PHF20: variants seen among roughly 807,000 people sequenced by gnomAD.
The protein encoded by PHF20 is PHD finger protein 20.
A neutral mutation model predicts 113.5 loss-of-function variants in PHF20; 23 were observed. The ratio of observed to expected loss-of-function variants is 0.20; its 90% CI spans 0.15 to 0.29. PHF20 has a LOEUF of 0.29. Among genes scored for constraint, PHF20 ranks in the 10% least tolerant of loss-of-function variants. The probability of loss-of-function intolerance (pLI) is 1.00; values close to 1 mark genes in which losing one functional copy is unlikely to be tolerated. For missense variants in PHF20, 943 were observed against 1,219.6 expected, an observed-to-expected ratio of 0.77 and a Z score of 3.38; for synonymous variants, 434 against 457.3, an observed-to-expected ratio of 0.95 and a Z score of 0.65.
At chr20:35,822,846 TAAAAAAAAAAAAAA>T (rs780275666) in intron 2 of PHF20, among the ~76,000 whole-genome samples, 1 of 55,536 alleles carries the variant, frequency 1.8e-5, no homozygotes, top group Non-Finnish European at 3.4e-5. Context: ...ACCCTGCTTC[TAAAAAAAAAAAAAA>T]AAAAAAAAAA....
intron 13 of PHF20, among the ~76,000 whole-genome samples, chr20:35,923,825 C>T (rs1179385298): frequency 6.6e-6 from 1 of 152,216 alleles, no homozygotes; most frequent in Non-Finnish European, 1.5e-5. Context: ...AATCACAGCT[C>T]ATGGCAGCCT....
At chr20:35,930,644 A>C (rs1292590529) in intron 14 of PHF20, among the ~76,000 whole-genome samples, 1 of 152,198 alleles carries the variant, frequency 6.6e-6, no homozygotes, top group Non-Finnish European at 1.5e-5. Flanking sequence ...ACTGCACTGT[A>C]GCCTGGGCAA....
intron 2 of PHF20, among the ~76,000 whole-genome samples, chr20:35,808,043 G>T (rs2041915100): frequency 6.6e-6 from 1 of 152,170 alleles, no homozygotes; most frequent in South Asian, 2.1e-4. Context: ...GGAAGCAAAA[G>T]CGGCCATGTG....
At chr20:35,890,511 G>A (rs1053884774) in intron 9 of PHF20, among the ~76,000 whole-genome samples, 1 of 152,214 alleles carries the variant, frequency 6.6e-6, no homozygotes, top group African/African-American at 2.4e-5. Context: ...AACTTTGATT[G>A]TTTTGAGCAA....
chr20:35,887,027 A>C lies in PHF20; in HGVS notation c.1283-12343A>C, dbSNP rs1451644842. Among the ~76,000 whole-genome samples, 2 of 152,196 alleles carry C rather than the reference A, an allele frequency of 1.3e-5. 1 individual carries two copies. Among genetic ancestry groups the C allele is most frequent in the East Asian group, 3.8e-4 (2 of 5,198 alleles). On this transcript the variant is annotated intron_variant, in intron 9 of 17. Coordinates refer to ENST00000374012, the MANE Select transcript of PHF20 (RefSeq NM_016436.5). The stretch of plus-strand genomic sequence containing the variant: ...CCAGACGGAATATCACCATCATCAT[A>C]ATCTAATCATAGTCATCCAGTTGTG...
At chr20:35,937,468 CAAA>C (rs910713509) in intron 15 of PHF20, among the ~76,000 whole-genome samples, 2 of 97,170 alleles carry the variant, frequency 2.1e-5, no homozygotes, top group African/African-American at 4.0e-5. Flanking sequence ...AACTCCGTCT[CAAA>C]AAAAAAAAAA....
At chr20:35,905,092 TG>T (rs2055179505) in intron 10 of PHF20, among the ~76,000 whole-genome samples, 1 of 152,154 alleles carries the variant, frequency 6.6e-6, no homozygotes. Context: ...CCCAAAGTGC[TG>T]GGATTACAGA....
At chr20:35,835,959 A>G (rs1317769459) in intron 2 of PHF20, among the ~76,000 whole-genome samples, 1 of 152,118 alleles carries the variant, frequency 6.6e-6, no homozygotes, top group African/African-American at 2.4e-5. Context: ...GATAAAATAA[A>G]AGAGAAAACT....
intron 2 of PHF20, among the ~76,000 whole-genome samples, chr20:35,820,876 A>C (rs2042156768): frequency 6.6e-6 from 1 of 151,966 alleles, no homozygotes; most frequent in South Asian, 2.1e-4. Context: ...TAAGTGAGGG[A>C]GTGAGTCATG....
chr20:35,864,147 C>T (rs2054269637), intron 6 of PHF20, among the ~76,000 whole-genome samples: 1 of 152,084 alleles, frequency 6.6e-6, no homozygotes, highest in African/African-American at 2.4e-5. Context: ...TGTGCAGTGA[C>T]CTTCAGACAT....
chr20:35,880,600 T>C (rs1366938472), intron 9 of PHF20, among the ~76,000 whole-genome samples: 1 of 152,182 alleles, frequency 6.6e-6, no homozygotes, highest in African/African-American at 2.4e-5. Context: ...ACAAAGAATA[T>C]ACCTTTAACC....
At chr20:35,906,913 G>A (rs2055210554) in intron 10 of PHF20, among the ~76,000 whole-genome samples, 1 of 151,970 alleles carries the variant, frequency 6.6e-6, no homozygotes, top group Non-Finnish European at 1.5e-5. Flanking sequence ...TATCTGGGTG[G>A]GACTCATGGT....
chr20:35,774,941 A>G (rs2041141852), intron 1 of PHF20: 1 of 152,240 alleles, frequency 6.6e-6, no homozygotes, highest in South Asian at 2.1e-4. Flanking sequence ...TGTTATTTCC[A>G]GAAATGAAAT....
intron 1 of PHF20, among the ~76,000 whole-genome samples, chr20:35,795,892 C>T (rs962354459): frequency 6.6e-6 from 1 of 152,046 alleles, no homozygotes; most frequent in African/African-American, 2.4e-5. Context: ...ACTCTGTCGC[C>T]CAGGCTGGAG....
chr20:35,943,664 A>G (rs992399634), intron 17 of PHF20, among the ~76,000 whole-genome samples: 4 of 152,036 alleles, frequency 2.6e-5, no homozygotes, highest in Non-Finnish European at 4.4e-5. Context: ...TCTGTTGCCC[A>G]GGCTGGAGTG....
chr20:35,816,556 TCTCCA>T (rs2042077761), intron 2 of PHF20, among the ~76,000 whole-genome samples: 1 of 151,256 alleles, frequency 6.6e-6, no homozygotes, highest in Non-Finnish European at 1.5e-5. Context: ...TTCAAGCGAT[TCTCCA>T]GCCTCAGCCT....
chr20:35,802,535 T>A (rs570899165), intron 2 of PHF20, among the ~76,000 whole-genome samples: 5 of 152,106 alleles, frequency 3.3e-5, no homozygotes, highest in African/African-American at 1.2e-4. Flanking sequence ...TTAACCCTTT[T>A]TGAGATTCTT....
chr20:35,882,021 A>T (rs2054644820), intron 9 of PHF20, among the ~76,000 whole-genome samples: 1 of 152,268 alleles, frequency 6.6e-6, no homozygotes, highest in South Asian at 2.1e-4. Flanking sequence ...TATTAGAATA[A>T]TTTTTAAATG....
At chr20:35,791,570 T>C (rs1011651817) in intron 1 of PHF20, among the ~76,000 whole-genome samples, 2 of 146,324 alleles carry the variant, frequency 1.4e-5, no homozygotes, top group African/African-American at 5.1e-5. Flanking sequence ...TATCTTAGAA[T>C]TGTGTGTATA....
Sources: allele counts gnomAD v4.1 joint callset (sites outside exome capture counted in the v4.1 genomes callset), GRCh38; gene constraint gnomAD v4.1.1; transcripts MANE v1.5; gene names NCBI Gene and HGNC (gene_info 2026-07-23, HGNC 2026-07-21).